Variants in FLT3 observed in about 807,000 individuals in gnomAD.
FLT3 encodes the protein receptor-type tyrosine-protein kinase FLT3.
In FLT3, 46 loss-of-function variants were observed where a neutral mutation model predicts 126.6. The observed-to-expected ratio is 0.36, with a 90% CI of 0.29 to 0.46. The LOEUF (loss-of-function observed/expected upper bound fraction) is 0.46, where lower values mean the gene tolerates loss of function less well. FLT3 is among the 20% of genes least tolerant of loss of function. FLT3 has a pLI of 1.00. For synonymous variants in FLT3, 404 were observed against 434.4 expected (o/e 0.93, Z 0.87); for missense variants, 1,069 against 1,190.3 (o/e 0.90, Z 1.50).
At chr13:28,026,232 C>T (rs1207872241) in intron 17 of FLT3, among the ~76,000 whole-genome samples, 1 of 151,468 alleles carries the variant, frequency 6.6e-6, no homozygotes, top group African/African-American at 2.4e-5. Context: ...TGCCTGTAAT[C>T]TCAGCTACTC....
chr13:28,020,298 C>T (rs1178926351), intron 19 of FLT3, among the ~76,000 whole-genome samples: 2 of 152,164 alleles, frequency 1.3e-5, no homozygotes, highest in East Asian at 1.9e-4. Flanking sequence ...GAACTTACTT[C>T]AGTCACAACA....
chr13:28,085,268 G>A (rs184138124), intron 1 of FLT3, among the ~76,000 whole-genome samples: 30 of 149,638 alleles, frequency 2.0e-4, no homozygotes, highest in Admixed American at 4.0e-4. Flanking sequence ...TACTTGAGCC[G>A]GGGAGGCAGA....
At chr13:28,015,038 A>C in intron 22 of FLT3, 119 bp downstream of exon 22, 1 of 640,876 alleles carries the variant, frequency 1.6e-6, no homozygotes, top group Non-Finnish European at 2.8e-6. Flanking sequence ...TCTATTTTTT[A>C]AAAAAAGAAT....
intron 18 of FLT3, among the ~76,000 whole-genome samples, chr13:28,023,726 G>A (rs916556289): frequency 1.3e-5 from 2 of 152,140 alleles, no homozygotes; most frequent in East Asian, 3.9e-4. Flanking sequence ...TGATTAGTCA[G>A]GAGTTTTAGA....
At chr13:28,057,561 C>T in intron 3 of FLT3, 99 bp from the exon 4 acceptor site, 1 of 679,920 alleles carries the variant, frequency 1.5e-6, no homozygotes, top group South Asian at 1.6e-5. Flanking sequence ...CTCCAGCGTT[C>T]CCCGACTGGC....
intron 2 of FLT3, among the ~76,000 whole-genome samples, chr13:28,065,102 C>T (rs1436142191): frequency 6.6e-6 from 1 of 152,066 alleles, no homozygotes; most frequent in Non-Finnish European, 1.5e-5. Context: ...TTCAAGTATG[C>T]TATGCTATGT....
rs554501718 is a variant in FLT3 at position 28,034,367 on chromosome 13, T to C, written c.1638A>G (p.Ala546=). 33 of 1,614,088 alleles carry C rather than the reference T, an allele frequency of 2.0e-5. No individual in the cohort carries two copies. The African/African-American group carries it at 4.3e-4, about 21-fold the overall frequency. Residue 546 remains alanine (A), a synonymous_variant, in exon 13 of 24, where the codon GCA becomes GCG. Transcript: ENST00000241453. ...TGAAGAGGAGACAAACACCAATTGT[T>C]GCATAGAATGAGATGTTGTCTTGGA... ...PFIQDNISFY[A]TIGVCLLFIV... is the part of the protein sequence containing the mutation.
intron 1 of FLT3, among the ~76,000 whole-genome samples, chr13:28,096,445 T>C (rs1278475776): frequency 2.0e-5 from 3 of 152,072 alleles, no homozygotes; most frequent in Non-Finnish European, 4.4e-5. Context: ...CATGCAATTT[T>C]TTTTTTTTTG....
rs150347640 is a variant in FLT3, at chr13:28,065,512, C to T, written c.166-3443G>A. On this transcript the variant is annotated intron_variant, in intron 2 of 23. Transcript: ENST00000241453. Reference sequence around the variant, plus strand: ...AAAAAATTAGCCAGGCATGGTGGTGCATGCCTGTGGTCCTTGCTACCCGGG... The same window carrying T: ...AAAAAATTAGCCAGGCATGGTGGTGTATGCCTGTGGTCCTTGCTACCCGGG... Among the ~76,000 whole-genome samples, 582 of 152,198 alleles carry T rather than the reference C, an allele frequency of 3.8e-3. 6 individuals carry two copies. Among genetic ancestry groups the T allele is most frequent in the African/African-American group, 0.013 (540 of 41,520 alleles).
chr13:28,083,269 A>G (rs539974180), intron 1 of FLT3, among the ~76,000 whole-genome samples: 1 of 152,234 alleles, frequency 6.6e-6, no homozygotes, highest in East Asian at 1.9e-4. Context: ...TTTTTTAGTA[A>G]TAATTTTCTT....
At chr13:28,060,954 A>T (rs1876503017) in intron 3 of FLT3, among the ~76,000 whole-genome samples, 1 of 152,146 alleles carries the variant, frequency 6.6e-6, no homozygotes. Context: ...TGAGCAGAAG[A>T]CACAGAAAGA....
chr13:28,035,183 A>T (rs1392008178), intron 12 of FLT3, among the ~76,000 whole-genome samples: 3 of 152,186 alleles, frequency 2.0e-5, no homozygotes, highest in Non-Finnish European at 2.9e-5. Flanking sequence ...GCTAATCAAA[A>T]GGGAAAATGA....
chr13:28,042,178 AT>A (rs1247385298), intron 9 of FLT3, among the ~76,000 whole-genome samples: 17 of 144,098 alleles, frequency 1.2e-4, no homozygotes, highest in East Asian at 2.0e-4. Flanking sequence ...AATAATAATA[AT>A]AATAATAATA....
At chr13:28,059,223 G>A (rs960340921) in intron 3 of FLT3, among the ~76,000 whole-genome samples, 1 of 152,120 alleles carries the variant, frequency 6.6e-6, no homozygotes. Flanking sequence ...CGTTCTCCAA[G>A]ACCCTATCAA....
chr13:28,073,851 G>A (rs1421037652), intron 1 of FLT3, among the ~76,000 whole-genome samples: 1 of 149,140 alleles, frequency 6.7e-6, no homozygotes, highest in Non-Finnish European at 1.5e-5. Context: ...GAAGTGGGAG[G>A]ATAGCTTGAG....
Position 28,004,156 on chromosome 13 carries a change from C to CA in FLT3, c.2877dup (p.Gly960TrpfsTer54). The CA allele has an allele frequency of 1.2e-6, 2 of 1,614,044 alleles. No individual in the cohort carries two copies. The highest frequency in any genetic ancestry group is 2.2e-5 in the South Asian group (2 of 91,074). On this transcript the variant is annotated frameshift_variant, in exon 24 of 24. Transcript: ENST00000241453. LOFTEE classifies it low-confidence loss of function (END_TRUNC). ...GTGTGAGGACATTCCGAAACACGGC[C>CA]ATCCACATTCTGATACATCTGAATG...
chr13:28,055,845 C>T (rs1421899793), intron 4 of FLT3, among the ~76,000 whole-genome samples: 1 of 152,126 alleles, frequency 6.6e-6, no homozygotes, highest in Admixed American at 6.6e-5. Context: ...GTCCTAGCTT[C>T]ATCCAACCTG....
intron 1 of FLT3, among the ~76,000 whole-genome samples, chr13:28,083,002 G>A (rs1276698624): frequency 1.3e-5 from 2 of 150,926 alleles, no homozygotes; most frequent in Admixed American, 1.3e-4. Context: ...CACCGCGCCT[G>A]GCCAATTTTT....
chr13:28,055,726 G>A (rs1190686430), intron 4 of FLT3, among the ~76,000 whole-genome samples: 2 of 152,266 alleles, frequency 1.3e-5, no homozygotes, highest in South Asian at 2.1e-4. Flanking sequence ...AAGTATAACA[G>A]AGACACAGCA....
Sources: allele counts gnomAD v4.1 joint callset (sites outside exome capture counted in the v4.1 genomes callset), GRCh38; gene constraint gnomAD v4.1.1; transcripts MANE v1.5; gene names NCBI Gene and HGNC (gene_info 2026-07-23, HGNC 2026-07-21).